The following TGFA variants were observed in gnomAD, a reference collection of about 807,000 sequenced individuals.
The protein encoded by TGFA is protransforming growth factor alpha.
TGFA carries 12 observed loss-of-function variants against 21.7 expected under a neutral mutation model. The ratio of observed to expected loss-of-function variants is 0.55; its 90% CI spans 0.35 to 0.90. TGFA has a LOEUF of 0.90. TGFA is among the 40% of genes least tolerant of loss of function. TGFA has a pLI of 0.01. For missense variants in TGFA, 178 were observed against 210.8 expected (o/e 0.84, Z 0.96); for synonymous variants, 79 against 88.1 (o/e 0.90, Z 0.58).
intron 5 of TGFA, among the ~76,000 whole-genome samples, chr2:70,452,594 C>T (rs1386338575): frequency 6.6e-6 from 1 of 152,078 alleles, no homozygotes; most frequent in Non-Finnish European, 1.5e-5. Context: ...ATACACTATA[C>T]TAGGTATTTT....
chr2:70,467,632 G>C (rs994996641), intron 2 of TGFA: 3 of 151,134 alleles, frequency 2.0e-5, no homozygotes, highest in Non-Finnish European at 4.4e-5. Flanking sequence ...GGGTATTTCA[G>C]GAGTGAGTCT....
intron 2 of TGFA, among the ~76,000 whole-genome samples, chr2:70,466,521 C>A (rs1171476463): frequency 2.0e-5 from 3 of 151,632 alleles, no homozygotes; most frequent in Admixed American, 1.3e-4. Context: ...TCAAAAAAAA[C>A]CAAAAAAACA....
chr2:70,486,166 G>A (rs76509295), intron 2 of TGFA, among the ~76,000 whole-genome samples: 377 of 152,294 alleles, frequency 2.5e-3, no homozygotes, highest in African/African-American at 8.3e-3. Flanking sequence ...GCAGATGGAG[G>A]TCTATATTTT....
intron 1 of TGFA, among the ~76,000 whole-genome samples, chr2:70,527,957 G>C (rs1294879473): frequency 6.6e-6 from 1 of 152,222 alleles, no homozygotes; most frequent in African/African-American, 2.4e-5. Context: ...ATGCAGAGGA[G>C]ACACTGCTTA....
intron 3 of TGFA, among the ~76,000 whole-genome samples, chr2:70,457,474 C>T (rs985581903): frequency 8.6e-5 from 13 of 151,852 alleles, no homozygotes; most frequent in African/African-American, 3.1e-4. Flanking sequence ...TCGTTACTCC[C>T]TTTGTATAGA....
At chr2:70,540,604 T>C (rs1194309285) in intron 1 of TGFA, among the ~76,000 whole-genome samples, 1 of 151,924 alleles carries the variant, frequency 6.6e-6, no homozygotes, top group African/African-American at 2.4e-5. Flanking sequence ...GATCAAAGAG[T>C]CACAGAAAAT....
Position 70,456,350 on chromosome 2 carries a change from A to T in TGFA, c.354T>A (p.Cys118Ter). The T allele has an allele frequency of 6.4e-7, 1 of 1,558,560 alleles. No homozygotes were observed. The highest frequency in any genetic ancestry group is 8.7e-7 in the Non-Finnish European group (1 of 1,150,734). Residue 118 changes from cysteine to a stop codon, truncating the protein, a stop_gained, in exon 4 of 6, where the codon TGT becomes TGA. Transcript: ENST00000295400. LOFTEE classifies it high-confidence loss of function. ...IVALAVLIIT[C>*]VLIHCCQVRK... ...CAGCAAGTACTCACTGTATCAGCAC[A>T]CATGTGATGATAAGGACAGCCAGGG...
intron 2 of TGFA, among the ~76,000 whole-genome samples, chr2:70,505,327 A>G (rs1188095390): frequency 6.6e-6 from 1 of 152,204 alleles, no homozygotes; most frequent in Non-Finnish European, 1.5e-5. Flanking sequence ...ATTGCCCACA[A>G]TGGCAACTGC....
chr2:70,515,257 A>C (rs1553501463), intron 1 of TGFA, among the ~76,000 whole-genome samples: 1 of 152,204 alleles, frequency 6.6e-6, no homozygotes, highest in African/African-American at 2.4e-5. Flanking sequence ...ACGTAACATA[A>C]AATTTACCAT....
At position 70,489,932 on chromosome 2, in the gene TGFA, T is replaced by C. The variant is rs534818645; in HGVS notation, c.95-24196A>G. ...GATATGTAGCTCTGGTTTACCGCCT[T>C]TCAATCTTCCACACGCATTGCAGTC... On this transcript the variant is annotated intron_variant, in intron 2 of 5. Coordinates refer to ENST00000295400, the MANE Select transcript of TGFA (RefSeq NM_003236.4). Among the ~76,000 whole-genome samples the C allele has an allele frequency of 8.5e-5, 13 of 152,212 alleles. No homozygotes were observed. In the South Asian group the frequency reaches 2.1e-3, roughly 24 times the overall value.
chr2:70,504,228 A>G (rs1553499663), intron 2 of TGFA, among the ~76,000 whole-genome samples: 1 of 151,312 alleles, frequency 6.6e-6, no homozygotes, highest in East Asian at 1.9e-4. Flanking sequence ...CCTGGGCAAC[A>G]TGGCAAAAAC....
intron 1 of TGFA, among the ~76,000 whole-genome samples, chr2:70,537,448 G>A (rs1553504605): frequency 1.3e-5 from 2 of 152,322 alleles, no homozygotes; most frequent in Non-Finnish European, 2.9e-5. Context: ...TAGGCCAAAA[G>A]CTAGGCTTCT....
chr2:70,453,293 G>C lies in TGFA; in HGVS notation c.400C>G (p.Arg134Gly). ...TTCTCGTGCCGGCAGATGAGGGCCC[G>C]GCACCACTCACAGTGTTTTCGGACC... ...CQVRKHCEWC[R>G]ALICRHEKPS... is the part of the protein sequence containing the mutation. Residue 134 changes from arginine to glycine, a missense_variant, in exon 5 of 6, where the codon CGG (arginine) becomes GGG (glycine). Arg to Gly is a moderately radical substitution (Grantham distance 125, BLOSUM62 -2). Coordinates refer to ENST00000295400, the MANE Select transcript of TGFA (RefSeq NM_003236.4). 6.2e-7 allele frequency: 1 copy of C among 1,613,964 alleles called. No individual in the cohort carries two copies. The highest frequency in any genetic ancestry group is 8.5e-7 in the Non-Finnish European group (1 of 1,179,922).
At chr2:70,553,513 A>G in intron 1 of TGFA, 1 of 1,376,858 alleles carries the variant, frequency 7.3e-7, no homozygotes, top group South Asian at 1.8e-5. Flanking sequence ...CCAGGCAGCC[A>G]CTTTCCCGGG....
At chr2:70,511,817 A>G (rs1672109098) in intron 2 of TGFA, among the ~76,000 whole-genome samples, 1 of 151,568 alleles carries the variant, frequency 6.6e-6, no homozygotes, top group Non-Finnish European at 1.5e-5. Context: ...AACTGATTTC[A>G]CTATCTCTTC....
chr2:70,491,915 C>T (rs1574099681), intron 2 of TGFA, among the ~76,000 whole-genome samples: 1 of 152,214 alleles, frequency 6.6e-6, no homozygotes, highest in Non-Finnish European at 1.5e-5. Flanking sequence ...TGGCACATCT[C>T]CAGCTTCTTG....
At chr2:70,513,252 G>A (rs1178394588) in intron 2 of TGFA, among the ~76,000 whole-genome samples, 1 of 152,156 alleles carries the variant, frequency 6.6e-6, no homozygotes, top group Non-Finnish European at 1.5e-5. Flanking sequence ...GGTCACCAGA[G>A]GTCTATCTGT....
chr2:70,486,587 A>C (rs1372481635), intron 2 of TGFA, among the ~76,000 whole-genome samples: 1 of 151,668 alleles, frequency 6.6e-6, no homozygotes, highest in Non-Finnish European at 1.5e-5. Flanking sequence ...TCTGCCTCCC[A>C]AGTAGCTGGG....
Position 70,529,341 on chromosome 2 carries a change from A to G in TGFA, c.41-14429T>C, listed in dbSNP as rs553032219. Among the ~76,000 whole-genome samples, 30 of 152,334 alleles carry G rather than the reference A, an allele frequency of 2.0e-4. 1 individual carries two copies. The East Asian group carries it at 3.5e-3, about 18-fold the overall frequency. ...ATTTGAGCAGCAGCACTTTATAAGC[A>G]CCTTGTGGAATCTAGGTGATTTCCA... On this transcript the variant is annotated intron_variant, in intron 1 of 5. Transcript: ENST00000295400.
Sources: allele counts gnomAD v4.1 joint callset (sites outside exome capture counted in the v4.1 genomes callset), GRCh38; gene constraint gnomAD v4.1.1; transcripts MANE v1.5; gene names NCBI Gene and HGNC (gene_info 2026-07-23, HGNC 2026-07-21).